BACH2: variants seen among roughly 807,000 people sequenced by gnomAD.
BACH2 encodes the protein BACH transcriptional regulator 2.
Under a neutral mutation model 61.8 loss-of-function variants are expected in BACH2, and 5 were observed. That is an observed-to-expected ratio of 0.08 (90% CI 0.04 to 0.17). The LOEUF (loss-of-function observed/expected upper bound fraction) is 0.17, where lower values mean the gene tolerates loss of function less well. BACH2 is among the 10% of genes least tolerant of loss of function. BACH2 has a pLI of 1.00. For missense variants in BACH2, 824 were observed against 1,091.1 expected, an observed-to-expected ratio of 0.76 and a Z score of 3.45; for synonymous variants, 446 against 440.1, an observed-to-expected ratio of 1.01 and a Z score of -0.17.
At chr6:90,141,298 A>AG (rs1458708371) in intron 4 of BACH2, among the ~76,000 whole-genome samples, 5 of 152,050 alleles carry the variant, frequency 3.3e-5, no homozygotes, top group African/African-American at 1.2e-4. Context: ...CTCCTGCCTC[A>AG]GCCTCCTGAG....
intron 3 of BACH2, among the ~76,000 whole-genome samples, chr6:90,214,024 C>G (rs989846251): frequency 2.0e-5 from 3 of 152,122 alleles, no homozygotes; most frequent in Non-Finnish European, 2.9e-5. Flanking sequence ...TATTTGGGTA[C>G]TACTGGTGAC....
chr6:90,287,563 G>A (rs1772058329), intron 1 of BACH2, among the ~76,000 whole-genome samples: 1 of 152,082 alleles, frequency 6.6e-6, no homozygotes, highest in African/African-American at 2.4e-5. Flanking sequence ...ACGGCAAAAG[G>A]CGGGAAATGC....
intron 4 of BACH2, among the ~76,000 whole-genome samples, chr6:90,198,929 G>A (rs539467960): frequency 1.7e-4 from 26 of 152,184 alleles, no homozygotes; most frequent in Non-Finnish European, 2.2e-4. Context: ...TTCTTGTGAC[G>A]GTGAATAAGT....
intron 3 of BACH2, among the ~76,000 whole-genome samples, chr6:90,214,486 C>T (rs554183901): frequency 1.3e-3 from 200 of 152,198 alleles, no homozygotes; most frequent in Non-Finnish European, 1.5e-3. Flanking sequence ...GTTAAAGAAG[C>T]GTTAAGGGGG....
chr6:89,991,084 T>G (rs192479616), intron 6 of BACH2, among the ~76,000 whole-genome samples: 116 of 152,358 alleles, frequency 7.6e-4, no homozygotes, highest in African/African-American at 2.6e-3. Context: ...TTAAACTGTC[T>G]TGTTTTCTTA....
At chr6:90,123,827 TTAGAAA>T (rs925899666) in intron 4 of BACH2, among the ~76,000 whole-genome samples, 1 of 148,552 alleles carries the variant, frequency 6.7e-6, no homozygotes, top group Non-Finnish European at 1.5e-5. Flanking sequence ...GAAATTTCTA[TTAGAAA>T]TAGAAATCTT....
intron 5 of BACH2, among the ~76,000 whole-genome samples, chr6:90,055,490 C>T (rs972619087): frequency 2.6e-5 from 4 of 152,110 alleles, no homozygotes; most frequent in African/African-American, 9.7e-5. Flanking sequence ...ACCAAATGTA[C>T]ATCTGACTGG....
At chr6:90,153,422 T>G (rs1784894612) in intron 4 of BACH2, among the ~76,000 whole-genome samples, 2 of 152,184 alleles carry the variant, frequency 1.3e-5, no homozygotes, top group Admixed American at 1.3e-4. Context: ...TAAGTTATAT[T>G]CTGAATAAAT....
intron 5 of BACH2, among the ~76,000 whole-genome samples, chr6:90,074,252 T>C (rs1018971706): frequency 1.3e-5 from 2 of 152,214 alleles, no homozygotes; most frequent in African/African-American, 2.4e-5. Context: ...CAAGAGGTCT[T>C]ATTGTTTAAA....
At chr6:90,170,251 C>T (rs1247358698) in intron 4 of BACH2, among the ~76,000 whole-genome samples, 1 of 152,100 alleles carries the variant, frequency 6.6e-6, no homozygotes, top group African/African-American at 2.4e-5. Flanking sequence ...ATATTGCTTA[C>T]TATTGGGATA....
chr6:90,280,358 A>C (rs1471361526), intron 1 of BACH2, among the ~76,000 whole-genome samples: 1 of 152,206 alleles, frequency 6.6e-6, no homozygotes, highest in Non-Finnish European at 1.5e-5. Context: ...ATAGGTGCCC[A>C]AATACATAAG....
intron 5 of BACH2, among the ~76,000 whole-genome samples, chr6:90,075,509 A>G (rs1781434770): frequency 1.3e-5 from 2 of 151,892 alleles, no homozygotes; most frequent in Admixed American, 1.3e-4. Flanking sequence ...TGGCTTTACT[A>G]TTTTATGATT....
intron 7 of BACH2, among the ~76,000 whole-genome samples, chr6:89,949,589 G>T (rs1773950110): frequency 6.6e-6 from 1 of 152,060 alleles, no homozygotes; most frequent in Non-Finnish European, 1.5e-5. Flanking sequence ...TTGCTTTCAG[G>T]GTGGATGAAA....
chr6:90,274,231 C>T (rs138431546), intron 1 of BACH2, among the ~76,000 whole-genome samples: 2 of 152,242 alleles, frequency 1.3e-5, no homozygotes, highest in East Asian at 3.9e-4. Flanking sequence ...ATTCTATGCC[C>T]TGATGAGAGA....
intron 5 of BACH2, among the ~76,000 whole-genome samples, chr6:90,023,203 G>A (rs1346018345): frequency 6.6e-6 from 1 of 152,142 alleles, no homozygotes; most frequent in Non-Finnish European, 1.5e-5. Flanking sequence ...GAGTGATATG[G>A]TTTGGATCTG....
intron 2 of BACH2, among the ~76,000 whole-genome samples, chr6:90,264,687 T>C (rs1171488716): frequency 1.3e-5 from 2 of 152,174 alleles, no homozygotes; most frequent in South Asian, 2.1e-4. Context: ...AGTGTGTATC[T>C]GGGATGGAGG....
intron 2 of BACH2, among the ~76,000 whole-genome samples, chr6:90,269,017 T>C (rs960133962): frequency 9.2e-5 from 14 of 152,154 alleles, no homozygotes; most frequent in Non-Finnish European, 2.9e-5. Context: ...TGAAACCCCA[T>C]ACAACTCCAA....
intron 6 of BACH2, among the ~76,000 whole-genome samples, chr6:89,985,086 C>T (rs1006040766): frequency 1.3e-4 from 20 of 152,040 alleles, no homozygotes; most frequent in Non-Finnish European, 2.5e-4. Flanking sequence ...GTGTGGTGGG[C>T]GGTGGGTGCT....
chr6:89,977,289 T>C (rs548640333), intron 6 of BACH2, among the ~76,000 whole-genome samples: 8 of 152,370 alleles, frequency 5.3e-5, no homozygotes, highest in African/African-American at 1.9e-4. Flanking sequence ...TACAGAAGGT[T>C]AGCTATTATC....
Sources: gnomAD v4.1 joint callset for allele counts (sites outside exome capture counted in the v4.1 genomes callset) on GRCh38, gnomAD v4.1.1 for gene constraint, MANE v1.5 for transcripts, NCBI Gene and HGNC (gene_info 2026-07-23, HGNC 2026-07-21) for gene names.